The following EPHB2 variants were observed in gnomAD, a reference collection of about 807,000 sequenced individuals.
EPHB2 encodes ephrin type-B receptor 2.
EPHB2 carries 18 observed loss-of-function variants against 96.4 expected under a neutral mutation model. The ratio of observed to expected loss-of-function variants is 0.19; its 90% CI spans 0.13 to 0.28. The LOEUF (loss-of-function observed/expected upper bound fraction) is 0.28, where lower values mean the gene tolerates loss of function less well. Among genes scored for constraint, EPHB2 ranks in the 10% least tolerant of loss-of-function variants. EPHB2 has a pLI of 1.00. For missense variants in EPHB2, 989 were observed against 1,355.4 expected (o/e 0.73, Z 4.25); for synonymous variants, 506 against 534.1 (o/e 0.95, Z 0.72).
In EPHB2 at chr1:22,891,268, G is replaced by A. The variant is rs372409215; in HGVS notation, c.1429-1616G>A. 4.6e-3 allele frequency: 2,035 copies of A among 446,842 alleles called. 7 individuals carry two copies. The highest frequency in any genetic ancestry group is 7.5e-3 in the Non-Finnish European group (1,671 of 221,818). 27.7% of individuals were successfully genotyped at this position (446,842 alleles called of 1,614,324 possible). The stretch of plus-strand genomic sequence containing the variant: ...TATAAAGCCTGTAATAACATTGCAC[G>A]CACTGAATCTTCATTGTTTTGGGAA... On this transcript the variant is annotated intron_variant, in intron 6 of 15. Coordinates refer to ENST00000374630, the MANE Select transcript of EPHB2 (RefSeq NM_017449.5).
intron 6 of EPHB2, among the ~76,000 whole-genome samples, chr1:22,883,489 G>A (rs1235517699): frequency 6.6e-6 from 1 of 152,244 alleles, no homozygotes; most frequent in African/African-American, 2.4e-5. Context: ...AAGGGCACCT[G>A]GGAAAGGCAT....
intron 7 of EPHB2, 105 bp downstream of exon 7, chr1:22,893,151 A>T: frequency 6.4e-7 from 1 of 1,565,824 alleles, no homozygotes; most frequent in East Asian, 2.3e-5. Flanking sequence ...TAGAAAAGGC[A>T]CTCCCTTCTA....
chr1:22,748,725 T>C (rs1195084558), intron 1 of EPHB2, among the ~76,000 whole-genome samples: 1 of 149,894 alleles, frequency 6.7e-6, no homozygotes, highest in Non-Finnish European at 1.5e-5. Flanking sequence ...TCCTGAGATA[T>C]ATGTACATAC....
At chr1:22,885,708 T>C (rs1223374777) in intron 6 of EPHB2, among the ~76,000 whole-genome samples, 2 of 152,134 alleles carry the variant, frequency 1.3e-5, no homozygotes, top group African/African-American at 2.4e-5. Flanking sequence ...GGGATGCTTC[T>C]GGGATGACCT....
intron 1 of EPHB2, among the ~76,000 whole-genome samples, chr1:22,739,869 G>T (rs1331101652): frequency 1.3e-5 from 2 of 152,154 alleles, no homozygotes; most frequent in African/African-American, 2.4e-5. Flanking sequence ...ATAACCTGAC[G>T]CTGCGGAAAG....
At chr1:22,807,093 CAG>C (rs2148456519) in intron 3 of EPHB2, among the ~76,000 whole-genome samples, 1 of 152,332 alleles carries the variant, frequency 6.6e-6, no homozygotes, top group Non-Finnish European at 1.5e-5. Flanking sequence ...CTTCGAGGAA[CAG>C]CCACTTGGGG....
intron 3 of EPHB2, among the ~76,000 whole-genome samples, chr1:22,838,434 A>T (rs1645415912): frequency 6.6e-6 from 1 of 152,266 alleles, no homozygotes. Context: ...GGCCCTGGGC[A>T]TGCGCTTTTG....
chr1:22,811,009 G>C (rs566046881), intron 3 of EPHB2, among the ~76,000 whole-genome samples: 2 of 152,236 alleles, frequency 1.3e-5, no homozygotes, highest in East Asian at 3.9e-4. Flanking sequence ...CTAAACTAGG[G>C]AGTCAGAAGA....
At chr1:22,898,709 A>C (rs144454559) in intron 9 of EPHB2, among the ~76,000 whole-genome samples, 14 of 152,252 alleles carry the variant, frequency 9.2e-5, no homozygotes, top group Non-Finnish European at 1.9e-4. Flanking sequence ...CTGTTGGAAG[A>C]ATCCAGGGAA....
intron 4 of EPHB2, among the ~76,000 whole-genome samples, chr1:22,864,390 G>A (rs2148526458): frequency 6.6e-6 from 1 of 152,278 alleles, no homozygotes; most frequent in Non-Finnish European, 1.5e-5. Context: ...TGAAGTCCCA[G>A]CCATCACCCA....
rs140253136 is a variant in EPHB2, at chr1:22,884,406, C to T, written c.1428+1923C>T. 4.7e-3 allele frequency among the ~76,000 whole-genome samples: 708 copies of T among 152,088 alleles called. 6 individuals carry two copies. Among genetic ancestry groups the T allele is most frequent in the African/African-American group, 0.016 (660 of 41,502 alleles). The stretch of plus-strand genomic sequence containing the variant: ...CTGTAATCCCAGCACTTTGGGAGGC[C>T]AAGGTGGGTGGATCACGGGCCTGAC... On this transcript the variant is annotated intron_variant, in intron 6 of 15. Transcript: ENST00000374630.
chr1:22,798,683 G>C (rs953190328), intron 3 of EPHB2, among the ~76,000 whole-genome samples: 1 of 152,086 alleles, frequency 6.6e-6, no homozygotes, highest in East Asian at 1.9e-4. Flanking sequence ...AGAGCTCCCC[G>C]CCCTGCCACT....
intron 1 of EPHB2, among the ~76,000 whole-genome samples, chr1:22,762,205 G>GGGC (rs1644244979): frequency 1.3e-5 from 2 of 152,152 alleles, no homozygotes; most frequent in African/African-American, 4.8e-5. Context: ...ATGGCACCAG[G>GGGC]GGCTGCTGGG....
At chr1:22,785,324 G>T (rs1644596085) in intron 3 of EPHB2, among the ~76,000 whole-genome samples, 2 of 152,248 alleles carry the variant, frequency 1.3e-5, no homozygotes, top group African/African-American at 4.8e-5. Flanking sequence ...GTTGGCACAG[G>T]ATAAAGGTTT....
chr1:22,755,087 G>A (rs114956883), intron 1 of EPHB2, among the ~76,000 whole-genome samples: 3 of 152,096 alleles, frequency 2.0e-5, no homozygotes, highest in Non-Finnish European at 4.4e-5. Flanking sequence ...AGGTGTTAAC[G>A]TCTCAGCAGC....
At chr1:22,823,214 C>T (rs996406132) in intron 3 of EPHB2, among the ~76,000 whole-genome samples, 5 of 152,234 alleles carry the variant, frequency 3.3e-5, no homozygotes, top group African/African-American at 7.2e-5. Context: ...GTTTTGCACA[C>T]GAAACACAAC....
At chr1:22,804,201 ATGAGCTTAT>A (rs1222558169) in intron 3 of EPHB2, among the ~76,000 whole-genome samples, 1 of 152,164 alleles carries the variant, frequency 6.6e-6, no homozygotes, top group African/African-American at 2.4e-5. Flanking sequence ...CAGTGTAGGA[ATGAGCTTAT>A]TGGGTTGGCT....
intron 3 of EPHB2, among the ~76,000 whole-genome samples, chr1:22,795,094 C>G (rs1235768119): frequency 6.6e-6 from 1 of 152,192 alleles, no homozygotes; most frequent in Admixed American, 6.5e-5. Flanking sequence ...TGGGCACCCC[C>G]GTCCCTGGGG....
At position 22,767,255 on chromosome 1, in the gene EPHB2, T is replaced by C. The variant is rs893808092; in HGVS notation, c.62-14166T>C. On this transcript the variant is annotated intron_variant, in intron 1 of 15. Transcript: ENST00000374630. ...CAGAGAAGGGGCATCTAACTCAAGC[T>C]GGGGAAGTGGGGGGTGGTCTGATTC... Among the ~76,000 whole-genome samples the C allele has an allele frequency of 5.9e-5, 9 of 152,252 alleles. No homozygotes were observed. In the South Asian group the frequency reaches 1.2e-3, roughly 21 times the overall value.
Sources: allele counts gnomAD v4.1 joint callset (sites outside exome capture counted in the v4.1 genomes callset), GRCh38; gene constraint gnomAD v4.1.1; transcripts MANE v1.5; gene names NCBI Gene and HGNC (gene_info 2026-07-23, HGNC 2026-07-21).